Variants in CLGN observed in about 807,000 individuals in gnomAD.
CLGN encodes the protein testis tissue sperm-binding protein Li 79P.
CLGN carries 62 observed loss-of-function variants against 79.1 expected under a neutral mutation model. The observed-to-expected ratio is 0.78, with a 90% confidence interval of 0.64 to 0.97. The LOEUF (loss-of-function observed/expected upper bound fraction) is 0.97, where lower values mean the gene tolerates loss of function less well. CLGN is among the 50% of genes least tolerant of loss of function. The pLI is 0.00. For synonymous variants in CLGN, 225 were observed against 224.7 expected, an observed-to-expected ratio of 1.00 and a Z score of -0.01; for missense variants, 647 against 715.5, an observed-to-expected ratio of 0.90 and a Z score of 1.09.
chr4:140,409,163 T>G (rs1260100054), intron 4 of CLGN, among the ~76,000 whole-genome samples: 2 of 152,030 alleles, frequency 1.3e-5, no homozygotes, highest in African/African-American at 4.8e-5. Context: ...TGAGGTCCTC[T>G]GAGAAAGAAG....
chr4:140,396,187 G>C lies in CLGN; in HGVS notation c.903C>G (p.Ala301=). ...KPEDWDESEP[A]QIEDSSVVKP... ...TAACAACACTTGAATCTTCTATTTG[G>C]GCAGGTTCACTTTCATCCCTGTAAA... The change falls in exon 9 of 15, where the codon GCC becomes GCG. Residue 301 remains alanine, a synonymous_variant. Transcript: ENST00000325617. The C allele has an allele frequency of 6.2e-7, 1 of 1,613,758 alleles. No individual in the cohort carries two copies. Among genetic ancestry groups the C allele is most frequent in the Non-Finnish European group, 8.5e-7 (1 of 1,179,832 alleles).
intron 8 of CLGN, among the ~76,000 whole-genome samples, chr4:140,396,650 G>T (rs955151420): frequency 6.6e-6 from 1 of 151,554 alleles, no homozygotes; most frequent in South Asian, 2.1e-4. Flanking sequence ...TCTGCCTTCC[G>T]GGTTCAAGCA....
At chr4:140,420,768 G>A (rs182767807) in intron 1 of CLGN, among the ~76,000 whole-genome samples, 45 of 152,206 alleles carry the variant, frequency 3.0e-4, no homozygotes, top group Admixed American at 7.2e-4. Context: ...GTATGCTATT[G>A]ACAAGTCTGT....
At chr4:140,402,472 G>A (rs1172537979) in intron 5 of CLGN, among the ~76,000 whole-genome samples, 3 of 151,974 alleles carry the variant, frequency 2.0e-5, no homozygotes, top group Non-Finnish European at 4.4e-5. Flanking sequence ...GCTACAGCAA[G>A]ATTTCTACGA....
chr4:140,389,079 A>G lies in CLGN; in HGVS notation c.*145T>C. ...AGTTGCTTCTTTTTCCTCTGAAATG[A>G]AGGACTAAAATAAATGTCTGAAAGA... is the stretch of plus-strand genomic sequence containing the variant. On this transcript the variant is annotated 3_prime_UTR_variant, in exon 15 of 15. Transcript: ENST00000325617. The G allele has an allele frequency of 1.6e-6, 1 of 626,168 alleles. No individual in the cohort carries two copies. The highest frequency in any genetic ancestry group is 2.7e-6 in the Non-Finnish European group (1 of 366,542). 38.8% of individuals were successfully genotyped at this position (626,168 alleles called of 1,614,324 possible). A position where few individuals can be genotyped will look rare whatever the true frequency, so the allele number is the denominator to read the frequency against.
At chr4:140,410,514 A>G in intron 3 of CLGN, 39 bp downstream of exon 3, 1 of 1,408,488 alleles carries the variant, frequency 7.1e-7, no homozygotes, top group Non-Finnish European at 1.0e-6. Context: ...CAAAAAAGCT[A>G]ATAAATCAAA....
intron 7 of CLGN, among the ~76,000 whole-genome samples, 182 bp downstream of exon 7, chr4:140,400,175 C>G (rs1339412193): frequency 6.6e-6 from 1 of 152,172 alleles, no homozygotes; most frequent in African/African-American, 2.4e-5. Context: ...TGTGCCTCAT[C>G]TCTCTTTCTT....
intron 1 of CLGN, among the ~76,000 whole-genome samples, chr4:140,413,364 G>A (rs571671625): frequency 1.3e-4 from 20 of 152,260 alleles, no homozygotes; most frequent in East Asian, 3.9e-4. Flanking sequence ...CAAGATGGCC[G>A]AATAGGAACA....
rs1463463664 is a variant in CLGN, at chr4:140,419,363, AT to A, written c.-9-6277del. Among the ~76,000 whole-genome samples the A allele has an allele frequency of 2.6e-5, 4 of 152,280 alleles. No individual in the cohort carries two copies. In the East Asian group the frequency reaches 5.8e-4, roughly 22 times the overall value. ...AAACTTAAAGTATAATAAAAAAAAA[AT>A]CTAAAGATAAAGATGATAGTAGTTA... is the stretch of plus-strand genomic sequence containing the variant. On this transcript the variant is annotated intron_variant, in intron 1 of 14. Coordinates refer to ENST00000325617, the MANE Select transcript of CLGN (RefSeq NM_004362.3).
chr4:140,414,332 G>A (rs1343750306), intron 1 of CLGN, among the ~76,000 whole-genome samples: 4 of 151,864 alleles, frequency 2.6e-5, no homozygotes, highest in Admixed American at 6.6e-5. Flanking sequence ...CACCAGCAAC[G>A]GAACAAAGCT....
chr4:140,410,497 A>G (rs989999331), intron 3 of CLGN, 56 bp downstream of exon 3: 17 of 1,278,632 alleles, frequency 1.3e-5, no homozygotes, highest in Non-Finnish European at 1.9e-5. Flanking sequence ...CCAAAACCTA[A>G]TAACTTCAAA....
At chr4:140,403,663 C>T (rs1481949781) in intron 5 of CLGN, among the ~76,000 whole-genome samples, 4 of 152,180 alleles carry the variant, frequency 2.6e-5, no homozygotes, top group Admixed American at 6.5e-5. Flanking sequence ...CAATTTTGTA[C>T]AGTGGCTGCA....
At chr4:140,412,291 C>T (rs755458669) in intron 2 of CLGN, among the ~76,000 whole-genome samples, 5 of 152,128 alleles carry the variant, frequency 3.3e-5, no homozygotes, top group Admixed American at 6.5e-5. Context: ...TGGCAGAATA[C>T]AATTAATGCT....
chr4:140,405,476 G>T (rs1003824807), intron 5 of CLGN, among the ~76,000 whole-genome samples: 6 of 152,008 alleles, frequency 3.9e-5, no homozygotes, highest in Non-Finnish European at 8.8e-5. Flanking sequence ...GAGCCACCGC[G>T]CCCGGCGATA....
chr4:140,401,988 A>C lies in CLGN; in HGVS notation c.498T>G (p.Ile166Met), dbSNP rs555545813. 14 of 1,514,944 alleles carry C rather than the reference A, an allele frequency of 9.2e-6. No individual in the cohort carries two copies. In the East Asian group the frequency reaches 3.0e-4, roughly 33 times the overall value. The allele number at this position is 1,514,944 out of a possible 1,614,324, so 93.8% of individuals were successfully genotyped here. ...CTTAAATATTAAAATATCATACCAG[A>C]ATCAAATCATCAGTGTCTGCTAGGA... is the stretch of plus-strand genomic sequence containing the variant. Reference protein sequence around the residue: ...IKLLADTDDLILENFYDKTSY... With the variant: ...IKLLADTDDLMLENFYDKTSY... Residue 166 changes from isoleucine to methionine, a missense_variant, in exon 6 of 15, where the codon ATT becomes ATG. Ile to Met is a conservative substitution (Grantham distance 10). Transcript: ENST00000325617.
At chr4:140,413,178 G>C (rs896968455) in intron 1 of CLGN, 91 bp from the exon 2 acceptor site, 6 of 933,860 alleles carry the variant, frequency 6.4e-6, no homozygotes, top group Non-Finnish European at 9.8e-6. Flanking sequence ...CTCCATAATA[G>C]CTCCTTTATT....
chr4:140,400,206 C>T (rs1289136589), intron 7 of CLGN, 151 bp downstream of exon 7: 3 of 538,702 alleles, frequency 5.6e-6, no homozygotes, highest in Non-Finnish European at 9.7e-6. Flanking sequence ...TTATTTTCTA[C>T]CCGTGCTGTC....
At chr4:140,411,495 C>G (rs903108319) in intron 2 of CLGN, among the ~76,000 whole-genome samples, 8 of 152,054 alleles carry the variant, frequency 5.3e-5, no homozygotes, top group African/African-American at 1.9e-4. Flanking sequence ...TAGTCTGGAT[C>G]CTCTCAGAAT....
rs1217198964 is a variant in CLGN, at chr4:140,418,251, A to G, written c.-9-5164T>C. On this transcript the variant is annotated intron_variant, in intron 1 of 14. Coordinates refer to ENST00000325617, the MANE Select transcript of CLGN (RefSeq NM_004362.3). ...TTAGACCTAAAACCATAAAAACCCT[A>G]GAAGAAAACCTAGGCATTACCATTC... Among the ~76,000 whole-genome samples the G allele has an allele frequency of 7.8e-4, 119 of 151,866 alleles. 1 individual carries two copies. The highest frequency in any genetic ancestry group is 1.6e-3 in the African/African-American group (65 of 41,314).
Sources: allele counts gnomAD v4.1 joint callset (sites outside exome capture counted in the v4.1 genomes callset), GRCh38; gene constraint gnomAD v4.1.1; transcripts MANE v1.5; gene names NCBI Gene and HGNC (gene_info 2026-07-23, HGNC 2026-07-21).